SLC25A26: variants seen among roughly 807,000 people sequenced by gnomAD.
The protein encoded by SLC25A26 is mitochondrial S-adenosylmethionine carrier protein.
SLC25A26 carries 36 observed loss-of-function variants against 37.8 expected under a neutral mutation model. The observed-to-expected ratio is 0.95, with a 90% CI of 0.73 to 1.26. SLC25A26 has a LOEUF of 1.26. Ranked by LOEUF, SLC25A26 falls within the 50% of genes most tolerant of loss-of-function variation. SLC25A26 has a pLI of 0.00. For missense variants in SLC25A26, 390 were observed against 331.1 expected (o/e 1.18, Z -1.38); for synonymous variants, 129 against 122.5 (o/e 1.05, Z -0.35).
intron 1 of SLC25A26, among the ~76,000 whole-genome samples, chr3:66,142,670 G>A (rs979995060): frequency 6.6e-6 from 1 of 152,036 alleles, no homozygotes; most frequent in Non-Finnish European, 1.5e-5. Context: ...TCAAACCTAA[G>A]CACAAAAATG....
intron 5 of SLC25A26, among the ~76,000 whole-genome samples, chr3:66,314,362 T>C (rs146159783): frequency 0.013 from 1,950 of 152,310 alleles, 46 homozygotes; most frequent in African/African-American, 0.044. Context: ...TTTCTGTGTC[T>C]ATTGAGATAA....
chr3:66,335,636 G>C (rs1407035982), intron 5 of SLC25A26, among the ~76,000 whole-genome samples: 1 of 152,024 alleles, frequency 6.6e-6, no homozygotes, highest in African/African-American at 2.4e-5. Context: ...TCCATTCACT[G>C]ATGTAAGAAA....
chr3:66,140,697 A>T (rs2070020810), intron 1 of SLC25A26, among the ~76,000 whole-genome samples: 1 of 152,160 alleles, frequency 6.6e-6, no homozygotes, highest in Admixed American at 6.5e-5. Context: ...CTGTCTTTTT[A>T]ATGCTACCAC....
At chr3:66,285,788 T>C (rs753420384) in intron 5 of SLC25A26, among the ~76,000 whole-genome samples, 1 of 151,990 alleles carries the variant, frequency 6.6e-6, no homozygotes, top group Admixed American at 6.6e-5. Flanking sequence ...AAGCCAGATG[T>C]ATTCTGGTGT....
rs781813733 is a variant in SLC25A26, at chr3:66,221,278, C to T, written c.33+151C>T. 1.1e-4 allele frequency: 44 copies of T among 384,258 alleles called. No individual in the cohort carries two copies. The Middle Eastern group carries it at 3.8e-3, about 33-fold the overall frequency. The allele number at this position is 384,258 out of a possible 1,614,324, so 23.8% of individuals were successfully genotyped here. On this transcript the variant is annotated intron_variant, in intron 1 of 9. Coordinates refer to ENST00000354883, the MANE Select transcript of SLC25A26 (RefSeq NM_001379210.1). ...CAGGTCTGAGAGGGAGCACGAGGCT[C>T]CCAGGCCACCGGCGGGCCAGGTGTT... is the stretch of plus-strand genomic sequence containing the variant.
intron 1 of SLC25A26, among the ~76,000 whole-genome samples, chr3:66,223,497 G>A (rs1008129930): frequency 7.9e-5 from 12 of 152,254 alleles, no homozygotes; most frequent in African/African-American, 2.6e-4. Flanking sequence ...AGAGTAGTAC[G>A]GAAATGGAGT....
At chr3:66,334,932 T>C (rs1317986371) in intron 5 of SLC25A26, among the ~76,000 whole-genome samples, 1 of 152,230 alleles carries the variant, frequency 6.6e-6, no homozygotes, top group Non-Finnish European at 1.5e-5. Context: ...TTATTTTTCC[T>C]ACCAACTTTA....
At chr3:66,219,877 C>A (rs1022504775), upstream of SLC25A26, among the ~76,000 whole-genome samples, 1 of 152,162 alleles carries the variant, frequency 6.6e-6, no homozygotes, top group African/African-American at 2.4e-5. Flanking sequence ...ATCATTATCG[C>A]CACTTTACAG....
At chr3:66,377,597 G>A in intron 9 of SLC25A26, 93 bp from the exon 10 acceptor site, 2 of 927,670 alleles carry the variant, frequency 2.2e-6, no homozygotes, top group African/African-American at 1.6e-5. Context: ...CCACTAATGA[G>A]CATGGTGTAT....
intron 1 of SLC25A26, among the ~76,000 whole-genome samples, chr3:66,135,075 G>T (rs185091437): frequency 3.9e-5 from 6 of 152,016 alleles, no homozygotes; most frequent in Admixed American, 1.3e-4. Flanking sequence ...AGGTGATCCA[G>T]CCACTTTGGC....
intron 5 of SLC25A26, among the ~76,000 whole-genome samples, chr3:66,341,376 A>T (rs1436796200): frequency 6.6e-6 from 1 of 152,208 alleles, no homozygotes; most frequent in Non-Finnish European, 1.5e-5. Context: ...CTAATTTGAC[A>T]TTGCCATTAT....
rs1290299235 is a variant in SLC25A26, at chr3:66,222,456, C to T, written c.33+1329C>T. On this transcript the variant is annotated intron_variant, in intron 1 of 9. Transcript: ENST00000354883. ...TCGGCCTCCCAAAGTGCTGGGACTA[C>T]AGGCGTGAGCCACGGCGCCTGGCCA... is the stretch of plus-strand genomic sequence containing the variant. Among the ~76,000 whole-genome samples, 5 of 152,362 alleles carry T rather than the reference C, an allele frequency of 3.3e-5. No homozygotes were observed. The East Asian group carries it at 9.7e-4, about 29-fold the overall frequency.
intron 5 of SLC25A26, among the ~76,000 whole-genome samples, chr3:66,327,711 A>G (rs1056674384): frequency 1.3e-5 from 2 of 152,070 alleles, no homozygotes; most frequent in African/African-American, 4.8e-5. Context: ...CACTTGTTAT[A>G]TGATTGACAT....
At chr3:66,265,679 T>C (rs961602991) in intron 5 of SLC25A26, among the ~76,000 whole-genome samples, 3 of 152,234 alleles carry the variant, frequency 2.0e-5, no homozygotes, top group Non-Finnish European at 4.4e-5. Flanking sequence ...ACTTGTGACT[T>C]AAAGCTTTGG....
intron 5 of SLC25A26, among the ~76,000 whole-genome samples, chr3:66,274,499 T>TGTTGC (rs2074064211): frequency 6.7e-6 from 1 of 150,116 alleles, no homozygotes; most frequent in Non-Finnish European, 1.5e-5. Context: ...GCAACCTACT[T>TGTTGC]ATCTGACAAA....
chr3:66,310,179 G>C (rs1165762221), intron 5 of SLC25A26, among the ~76,000 whole-genome samples: 2 of 152,264 alleles, frequency 1.3e-5, no homozygotes, highest in East Asian at 1.9e-4. Flanking sequence ...GAATCTGAGT[G>C]CTCCTGTATT....
intron 1 of SLC25A26, among the ~76,000 whole-genome samples, chr3:66,233,068 C>T (rs782238795): frequency 2.0e-5 from 3 of 152,318 alleles, no homozygotes; most frequent in African/African-American, 2.4e-5. Context: ...TCTTAGCTGT[C>T]GTTTAGGCCA....
upstream of SLC25A26, among the ~76,000 whole-genome samples, chr3:66,216,280 G>A (rs969784539): frequency 1.7e-3 from 252 of 152,318 alleles, 4 homozygotes; most frequent in Non-Finnish European, 6.8e-4. Context: ...TCTAGGCTGA[G>A]GTGGGTGGAT....
At chr3:66,259,822 TC>T (rs946836607) in intron 3 of SLC25A26, among the ~76,000 whole-genome samples, 2 of 152,148 alleles carry the variant, frequency 1.3e-5, no homozygotes, top group African/African-American at 4.8e-5. Flanking sequence ...TTTCAAGTGT[TC>T]CCACTGACTA....
Sources: allele counts gnomAD v4.1 joint callset (sites outside exome capture counted in the v4.1 genomes callset), GRCh38; gene constraint gnomAD v4.1.1; transcripts MANE v1.5; gene names NCBI Gene and HGNC (gene_info 2026-07-23, HGNC 2026-07-21).